MGAT4C: variants seen among roughly 807,000 people sequenced by gnomAD.
MGAT4C encodes alpha-1,3-mannosyl-glycoprotein 4-beta-N-acetylglucosaminyltransferase C.
In MGAT4C, 19 loss-of-function variants were observed where a neutral mutation model predicts 40.1. The ratio of observed to expected loss-of-function variants is 0.47; its 90% CI spans 0.33 to 0.70. MGAT4C has a LOEUF of 0.70. Ranked by LOEUF, MGAT4C falls within the 30% of genes least tolerant of loss-of-function variation. The pLI is 0.02. For synonymous variants in MGAT4C, 181 were observed against 187.1 expected (o/e 0.97, Z 0.27); for missense variants, 491 against 563.2 (o/e 0.87, Z 1.30).
chr12:86,444,916 G>T (rs1487839283), intron 2 of MGAT4C, among the ~76,000 whole-genome samples: 2 of 152,100 alleles, frequency 1.3e-5, no homozygotes, highest in Non-Finnish European at 2.9e-5. Context: ...ACTGAGAGAA[G>T]CTAAACAAAA....
In MGAT4C at chr12:86,265,817, A is replaced by G. The variant is rs538328631; in HGVS notation, c.-57+68248T>C. Reference sequence around the variant, plus strand: ...ATATTTTTTATTTGTGTCATCTACAATTTCTTTCATCAGTGTTTCACCAAA... The same window carrying G: ...ATATTTTTTATTTGTGTCATCTACAGTTTCTTTCATCAGTGTTTCACCAAA... On this transcript the variant is annotated intron_variant, in intron 4 of 7. Coordinates refer to the MGAT4C transcript ENST00000548651. 2.0e-5 allele frequency among the ~76,000 whole-genome samples: 3 copies of G among 152,180 alleles called. No individual in the cohort carries two copies. The South Asian group carries it at 6.2e-4, about 32-fold the overall frequency.
At chr12:86,830,458 A>G (rs1045262909) in intron 1 of MGAT4C, among the ~76,000 whole-genome samples, 26 of 151,512 alleles carry the variant, frequency 1.7e-4, no homozygotes, top group African/African-American at 6.0e-4. Flanking sequence ...CTATGTGTAC[A>G]TATGTGAAGA....
chr12:85,993,792 C>T (rs941640588), intron 2 of MGAT4C, among the ~76,000 whole-genome samples: 2 of 152,158 alleles, frequency 1.3e-5, no homozygotes, highest in African/African-American at 2.4e-5. Flanking sequence ...CCAGTAGCCA[C>T]CTTGTGGACC....
intron 2 of MGAT4C, among the ~76,000 whole-genome samples, chr12:86,614,949 G>C (rs1813798240): frequency 6.6e-6 from 1 of 151,762 alleles, no homozygotes; most frequent in Non-Finnish European, 1.5e-5. Context: ...TTTTGGTATT[G>C]GGATTATGGG....
intron 1 of MGAT4C, among the ~76,000 whole-genome samples, chr12:86,821,136 G>A (rs929393261): frequency 1.3e-5 from 2 of 150,892 alleles, no homozygotes; most frequent in Admixed American, 6.6e-5. Context: ...ATTAAAGAAT[G>A]AGTGTGTATG....
intron 3 of MGAT4C, among the ~76,000 whole-genome samples, chr12:86,407,748 T>A (rs1302293890): frequency 6.6e-6 from 1 of 152,102 alleles, no homozygotes; most frequent in Non-Finnish European, 1.5e-5. Flanking sequence ...GTAAGGTTCA[T>A]TTAGTACATA....
At chr12:86,679,314 T>C (rs1164600349) in intron 2 of MGAT4C, among the ~76,000 whole-genome samples, 4 of 152,152 alleles carry the variant, frequency 2.6e-5, no homozygotes, top group African/African-American at 9.7e-5. Context: ...TCATTGTAGA[T>C]TCTTTTCTTA....
intron 1 of MGAT4C, among the ~76,000 whole-genome samples, chr12:86,066,932 A>T (rs888867786): frequency 6.6e-6 from 1 of 152,232 alleles, no homozygotes; most frequent in African/African-American, 2.4e-5. Context: ...GAAGACATTT[A>T]TGCAGCCTAA....
At chr12:86,801,832 T>C (rs1424500595) in intron 1 of MGAT4C, among the ~76,000 whole-genome samples, 1 of 151,840 alleles carries the variant, frequency 6.6e-6, no homozygotes, top group Admixed American at 6.6e-5. Context: ...CCCTAATTCT[T>C]CCAGAAATAG....
chr12:86,816,136 A>C (rs1952602335), intron 1 of MGAT4C, among the ~76,000 whole-genome samples: 1 of 152,100 alleles, frequency 6.6e-6, no homozygotes, highest in South Asian at 2.1e-4. Context: ...GCCTGCTTTT[A>C]AGATTGTATG....
chr12:86,482,208 TACAA>T lies in MGAT4C; in HGVS notation c.-228-46947_-228-46944del, dbSNP rs537763212. ...AATTTGATAAGGGTATTTCCACTTC[TACAA>T]ACAAACATTAGAACAACACTACACT... On this transcript the variant is annotated intron_variant, in intron 2 of 7. Transcript: ENST00000548651. 5.6e-3 allele frequency among the ~76,000 whole-genome samples: 848 copies of T among 152,114 alleles called. 4 individuals are homozygous for T. Among genetic ancestry groups the T allele is most frequent in the Non-Finnish European group, 9.4e-3 (639 of 67,954 alleles).
intron 2 of MGAT4C, among the ~76,000 whole-genome samples, chr12:86,681,121 A>G (rs1949973679): frequency 6.6e-6 from 1 of 151,790 alleles, no homozygotes; most frequent in Non-Finnish European, 1.5e-5. Flanking sequence ...GATATATGTG[A>G]TTCTCTCTAT....
At chr12:86,012,814 C>A (rs1359216569) in intron 2 of MGAT4C, among the ~76,000 whole-genome samples, 3 of 151,336 alleles carry the variant, frequency 2.0e-5, no homozygotes, top group African/African-American at 7.3e-5. Context: ...CCACCACCAC[C>A]ACCACCACCA....
intron 1 of MGAT4C, among the ~76,000 whole-genome samples, chr12:86,820,418 C>T (rs11104111): frequency 0.077 from 11,678 of 150,746 alleles, 685 homozygotes; most frequent in East Asian, 0.33. Context: ...CACCATCAAT[C>T]AATTCCTTTA....
At chr12:86,093,295 A>G (rs61931146) in intron 1 of MGAT4C, among the ~76,000 whole-genome samples, 11,823 of 152,162 alleles carry the variant, frequency 0.078, 628 homozygotes, top group Middle Eastern at 0.22. Flanking sequence ...TAAAGTTCTC[A>G]TATTTTTAAA....
rs181325030 is a variant in MGAT4C at position 86,752,161 on chromosome 12, G to C, written c.-261-24920C>G. On this transcript the variant is annotated intron_variant, in intron 1 of 7. Transcript: ENST00000548651. ...TAGAAAAGTTATTTTGTGCTCTAAAGAGATATTTCTGGCCTGTTGGACTTA... is the reference window on the plus strand; with the variant it reads ...TAGAAAAGTTATTTTGTGCTCTAAACAGATATTTCTGGCCTGTTGGACTTA... Among the ~76,000 whole-genome samples the C allele has an allele frequency of 3.9e-4, 59 of 152,052 alleles. 1 individual carries two copies. Among genetic ancestry groups the C allele is most frequent in the Admixed American group, 6.6e-4 (10 of 15,216 alleles).
At chr12:86,276,101 G>C (rs1284462905) in intron 4 of MGAT4C, among the ~76,000 whole-genome samples, 1 of 145,748 alleles carries the variant, frequency 6.9e-6, no homozygotes, top group Admixed American at 7.0e-5. Flanking sequence ...CTGGGCGACA[G>C]AGCAAGACTC....
intron 1 of MGAT4C, among the ~76,000 whole-genome samples, chr12:86,205,671 C>G (rs376506771): frequency 6.6e-6 from 1 of 151,810 alleles, no homozygotes; most frequent in Non-Finnish European, 1.5e-5. Context: ...CTACTAGAAG[C>G]CTTTAATGCA....
intron 2 of MGAT4C, among the ~76,000 whole-genome samples, chr12:86,697,516 T>C (rs1412247675): frequency 1.3e-5 from 2 of 152,052 alleles, no homozygotes; most frequent in African/African-American, 4.8e-5. Context: ...GAATAAAATT[T>C]ATCCAAGGTG....
Sources: allele counts gnomAD v4.1 joint callset (sites outside exome capture counted in the v4.1 genomes callset), GRCh38; gene constraint gnomAD v4.1.1; transcripts MANE v1.5; gene names NCBI Gene and HGNC (gene_info 2026-07-23, HGNC 2026-07-21).